Variants in DYRK4 observed in about 807,000 individuals in gnomAD.
DYRK4 encodes the protein dual specificity tyrosine phosphorylation regulated kinase 4.
A neutral mutation model predicts 68.3 loss-of-function variants in DYRK4; 64 were observed. That is an observed-to-expected ratio of 0.94 (90% CI 0.77 to 1.15). The LOEUF (loss-of-function observed/expected upper bound fraction) is 1.15, where lower values mean the gene tolerates loss of function less well. DYRK4 is among the 50% of genes most tolerant of loss of function. The probability of loss-of-function intolerance (pLI) is 0.00; values close to 1 mark genes in which losing one functional copy is unlikely to be tolerated. For synonymous variants in DYRK4, 274 were observed against 289.9 expected (o/e 0.95, Z 0.56); for missense variants, 740 against 764.7 (o/e 0.97, Z 0.38).
intron 2 of DYRK4, among the ~76,000 whole-genome samples, chr12:4,575,029 ATT>A: frequency 6.6e-6 from 1 of 152,118 alleles, no homozygotes; most frequent in Non-Finnish European, 1.5e-5. Flanking sequence ...CATGTTTGCT[ATT>A]GAAAATGATG....
At chr12:4,603,143 T>A (rs894926361) in intron 10 of DYRK4, 23 of 1,396,848 alleles carry the variant, frequency 1.6e-5, no homozygotes, top group Admixed American at 5.2e-5. Context: ...TGATATGGGA[T>A]CCAAAGGTTG....
At chr12:4,566,184 C>T (rs1467964732) in intron 1 of DYRK4, among the ~76,000 whole-genome samples, 2 of 152,160 alleles carry the variant, frequency 1.3e-5, no homozygotes, top group African/African-American at 4.8e-5. Flanking sequence ...AAATGCCTTC[C>T]TAGTTCCTCC....
Position 4,604,991 on chromosome 12 carries a change from A to G in DYRK4, c.1204A>G (p.Met402Val), listed in dbSNP as rs775374814. Residue 402 changes from methionine (M) to valine (V), a missense_variant, in exon 11 of 15, where the codon ATG becomes GTG. Around this residue, in one of 3 missense-constraint regions of DYRK4, gnomAD observed 614 missense variants for 603.7 expected, o/e 1.02. Coordinates refer to ENST00000543431, the MANE Select transcript of DYRK4 (RefSeq NM_001394779.1). Reference protein sequence around the residue: ...LGHPYDVAIDMWSLGCITAEL... With the variant: ...LGHPYDVAIDVWSLGCITAEL... ...CCACCCCTACGACGTGGCCATTGACATGTGGAGCCTGGGCTGCATCACGGC... is the reference window on the plus strand; with the variant it reads ...CCACCCCTACGACGTGGCCATTGACGTGTGGAGCCTGGGCTGCATCACGGC... 4 of 1,614,058 alleles carry G rather than the reference A, an allele frequency of 2.5e-6. No homozygotes were observed. The highest frequency in any genetic ancestry group is 3.4e-6 in the Non-Finnish European group (4 of 1,179,936).
At chr12:4,607,579 G>A (rs1251073411) in intron 12 of DYRK4, among the ~76,000 whole-genome samples, 192 bp downstream of exon 12, 1 of 152,182 alleles carries the variant, frequency 6.6e-6, no homozygotes, top group Non-Finnish European at 1.5e-5. Flanking sequence ...GTCACAGTGG[G>A]AACAGGGTCT....
intron 8 of DYRK4, among the ~76,000 whole-genome samples, chr12:4,598,779 C>A (rs1351186695): frequency 6.6e-6 from 1 of 152,216 alleles, no homozygotes; most frequent in East Asian, 1.9e-4. Flanking sequence ...GCCTGCATAA[C>A]AAAGTGCTTC....
Position 4,613,018 on chromosome 12 carries a change from C to T in DYRK4, c.1666+300C>T, listed in dbSNP as rs1565545006. On this transcript the variant is annotated intron_variant, in intron 14 of 14. Coordinates refer to ENST00000543431, the MANE Select transcript of DYRK4 (RefSeq NM_001394779.1). The surrounding 1 kb of genome is among the most constrained non-coding windows in gnomAD (Gnocchi z 4.0). ...GCATTAGCCTGGATCTTTTTTGCCC[C>T]TTATTAGGATTTTCCATTTTTCTCC... The T allele has an allele frequency of 2.9e-6, 1 of 344,560 alleles. No individual in the cohort carries two copies. Among genetic ancestry groups the T allele is most frequent in the Non-Finnish European group, 5.4e-6 (1 of 186,742 alleles). 21.3% of individuals were successfully genotyped at this position (344,560 alleles called of 1,614,324 possible). A position where few individuals can be genotyped will look rare whatever the true frequency, so the allele number is the denominator to read the frequency against.
At chr12:4,603,169 A>G in intron 10 of DYRK4, 1 of 1,301,576 alleles carries the variant, frequency 7.7e-7, no homozygotes, top group Non-Finnish European at 1.1e-6. Context: ...TCGGTACCGA[A>G]ATGAAGTCAT....
At chr12:4,564,584 G>A (rs968639524) in intron 1 of DYRK4, 1 of 152,150 alleles carries the variant, frequency 6.6e-6, no homozygotes, top group African/African-American at 2.4e-5. Flanking sequence ...AAAATACTAT[G>A]CAGTGCAGTA....
intron 8 of DYRK4, 103 bp from the exon 9 acceptor site, chr12:4,598,925 G>A: frequency 7.4e-7 from 1 of 1,354,958 alleles, no homozygotes; most frequent in Non-Finnish European, 1.0e-6. Flanking sequence ...AGGCTTGCCT[G>A]CTACTAGACG....
chr12:4,572,660 G>A (rs941713713), intron 2 of DYRK4, among the ~76,000 whole-genome samples: 16 of 152,190 alleles, frequency 1.1e-4, no homozygotes, highest in African/African-American at 3.4e-4. Flanking sequence ...ATCACCAGGT[G>A]TGAGACCTCA....
chr12:4,577,850 G>A (rs1018299966), intron 2 of DYRK4, among the ~76,000 whole-genome samples: 13 of 152,116 alleles, frequency 8.5e-5, no homozygotes, highest in Non-Finnish European at 1.3e-4. Context: ...TACACATTTT[G>A]TCATATTTAT....
At chr12:4,590,678 A>T in intron 4 of DYRK4, 1 of 768,712 alleles carries the variant, frequency 1.3e-6, no homozygotes, top group South Asian at 4.1e-5. Flanking sequence ...ATTGAGGAAA[A>T]ATGAAGTGCT....
At chr12:4,584,746 G>C (rs1267878547) in intron 2 of DYRK4, among the ~76,000 whole-genome samples, 1 of 151,860 alleles carries the variant, frequency 6.6e-6, no homozygotes, top group Non-Finnish European at 1.5e-5. Context: ...TAGTAGAGAC[G>C]GGGTTTCATT....
chr12:4,595,943 A>G (rs1945012619), intron 6 of DYRK4, among the ~76,000 whole-genome samples: 1 of 152,206 alleles, frequency 6.6e-6, no homozygotes, highest in Non-Finnish European at 1.5e-5. Context: ...TTTCCCTGGC[A>G]CCACATGGGT....
At chr12:4,606,949 ATCTTT>A (rs768014200) in intron 11 of DYRK4, among the ~76,000 whole-genome samples, 38 of 152,178 alleles carry the variant, frequency 2.5e-4, no homozygotes, top group Non-Finnish European at 4.1e-4. Context: ...GGTGATTTTC[ATCTTT>A]TCTTCTCCCT....
rs990758191 is a variant in DYRK4 at position 4,596,253 on chromosome 12, G to C, written c.732G>C (p.Leu244=). 1.9e-6 allele frequency: 3 copies of C among 1,614,188 alleles called. No homozygotes were observed. The highest frequency in any genetic ancestry group is 1.7e-6 in the Non-Finnish European group (2 of 1,180,042). Residue 244 remains leucine, a synonymous_variant, in exon 7 of 15, where the codon CTG becomes CTC. Transcript: ENST00000543431. ...AKCLDHKNNE[L]VALKIIRNKK... ...GCTTGGATCACAAAAACAATGAGCTGGTGGCCCTGAAAATCATCAGGAACA... is the reference window on the plus strand; with the variant it reads ...GCTTGGATCACAAAAACAATGAGCTCGTGGCCCTGAAAATCATCAGGAACA...
chr12:4,574,700 G>A (rs1030652844), intron 2 of DYRK4, among the ~76,000 whole-genome samples: 12 of 152,100 alleles, frequency 7.9e-5, no homozygotes, highest in Admixed American at 2.0e-4. Flanking sequence ...TTTTTCTTGT[G>A]CGTTTGCTAT....
chr12:4,568,724 C>A (rs574146942), intron 2 of DYRK4, among the ~76,000 whole-genome samples: 1 of 152,280 alleles, frequency 6.6e-6, no homozygotes, highest in Non-Finnish European at 1.5e-5. Context: ...TGGTGTCTTT[C>A]CTTTCACTCT....
At chr12:4,597,345 A>G (rs997415998) in intron 8 of DYRK4, among the ~76,000 whole-genome samples, 4 of 152,260 alleles carry the variant, frequency 2.6e-5, no homozygotes, top group Non-Finnish European at 4.4e-5. Context: ...GAGAATAATC[A>G]GGGGTGAGCT....
Sources: allele counts gnomAD v4.1 joint callset (sites outside exome capture counted in the v4.1 genomes callset), GRCh38; gene constraint gnomAD v4.1.1; regional missense constraint gnomAD v4.1.1; non-coding constraint Gnocchi (gnomAD v3.1); transcripts MANE v1.5; gene names NCBI Gene and HGNC (gene_info 2026-07-23, HGNC 2026-07-21).